PACSIN2: variants seen among roughly 807,000 people sequenced by gnomAD.
The protein encoded by PACSIN2 is protein kinase C and casein kinase substrate in neurons protein 2.
A neutral mutation model predicts 63.8 loss-of-function variants in PACSIN2; 25 were observed. The observed-to-expected ratio is 0.39, with a 90% CI of 0.29 to 0.55. PACSIN2 has a LOEUF of 0.55. Ranked by LOEUF, PACSIN2 falls within the 20% of genes least tolerant of loss-of-function variation. The pLI is 0.62. For synonymous variants in PACSIN2, 255 were observed against 256.2 expected (o/e 1.00, Z 0.05); for missense variants, 518 against 646.9 (o/e 0.80, Z 2.16).
chr22:43,003,292 GTGA>G (rs1037801019), intron 1 of PACSIN2, among the ~76,000 whole-genome samples: 7 of 152,294 alleles, frequency 4.6e-5, no homozygotes, highest in South Asian at 4.1e-4. Flanking sequence ...TGACACAAAA[GTGA>G]TGATTATCCC....
chr22:42,947,338 G>T (rs1933468884), intron 1 of PACSIN2, among the ~76,000 whole-genome samples: 1 of 152,132 alleles, frequency 6.6e-6, no homozygotes, highest in Non-Finnish European at 1.5e-5. Flanking sequence ...AGTCAGAGTG[G>T]CCCCAGGTCA....
chr22:42,895,162 G>A (rs1930189393), intron 2 of PACSIN2, among the ~76,000 whole-genome samples: 1 of 152,262 alleles, frequency 6.6e-6, no homozygotes, highest in African/African-American at 2.4e-5. Context: ...AACATGAGCT[G>A]AACCTGAGCA....
Position 43,010,788 on chromosome 22 carries a change from T to C in PACSIN2, c.-78+4233A>G, listed in dbSNP as rs76708392. Among the ~76,000 whole-genome samples, 631 of 152,328 alleles carry C rather than the reference T, an allele frequency of 4.1e-3. 3 individuals are homozygous for C. Among genetic ancestry groups the C allele is most frequent in the African/African-American group, 0.014 (595 of 41,588 alleles). On this transcript the variant is annotated intron_variant, in intron 1 of 10. Coordinates refer to ENST00000263246, the MANE Select transcript of PACSIN2 (RefSeq NM_001184970.3). ...ATTCTAGGAAACAAGAAAGACTCTA[T>C]GGTGCTTTAAGTTTTATTAAGCAAA...
intron 1 of PACSIN2, among the ~76,000 whole-genome samples, chr22:43,008,482 C>T (rs916249699): frequency 1.3e-5 from 2 of 152,244 alleles, no homozygotes; most frequent in African/African-American, 2.4e-5. Flanking sequence ...AACTCCTGAC[C>T]TTGTGATCTG....
chr22:42,934,889 TC>T (rs1932863076), intron 1 of PACSIN2, among the ~76,000 whole-genome samples: 2 of 95,776 alleles, frequency 2.1e-5, no homozygotes, highest in African/African-American at 4.3e-5. Context: ...CTTTCTTTTC[TC>T]TTTCTTTTCT....
At chr22:42,886,808 G>A (rs1169945687) in intron 5 of PACSIN2, among the ~76,000 whole-genome samples, 1 of 152,042 alleles carries the variant, frequency 6.6e-6, no homozygotes, top group Non-Finnish European at 1.5e-5. Flanking sequence ...AGGCAGGGAG[G>A]GTCCCAGGAG....
intron 1 of PACSIN2, among the ~76,000 whole-genome samples, chr22:42,976,140 G>A (rs1921688394): frequency 6.6e-6 from 1 of 152,214 alleles, no homozygotes; most frequent in Admixed American, 6.5e-5. Context: ...CTATGCCTGT[G>A]CTAATTCTTC....
At chr22:42,893,229 C>T (rs1389420641) in intron 3 of PACSIN2, among the ~76,000 whole-genome samples, 1 of 152,230 alleles carries the variant, frequency 6.6e-6, no homozygotes, top group African/African-American at 2.4e-5. Context: ...GGGCTATAGT[C>T]CTGTGTCCCC....
intron 1 of PACSIN2, chr22:42,993,791 G>T (rs1312129712): frequency 6.6e-6 from 1 of 152,202 alleles, no homozygotes; most frequent in Non-Finnish European, 1.5e-5. Context: ...CTGGAAGGGC[G>T]GCACCAGGGA....
intron 2 of PACSIN2, among the ~76,000 whole-genome samples, chr22:42,897,504 A>C (rs1398997385): frequency 2.0e-5 from 3 of 152,222 alleles, no homozygotes; most frequent in African/African-American, 7.2e-5. Context: ...CAAACATATT[A>C]ATTGCTTCAT....
At chr22:42,978,661 A>T (rs2146880304) in intron 1 of PACSIN2, among the ~76,000 whole-genome samples, 1 of 152,300 alleles carries the variant, frequency 6.6e-6, no homozygotes, top group Admixed American at 6.5e-5. Flanking sequence ...AGTTCCTATG[A>T]ATGATGTGCT....
At chr22:42,960,666 C>T (rs543549012) in intron 1 of PACSIN2, among the ~76,000 whole-genome samples, 1 of 152,216 alleles carries the variant, frequency 6.6e-6, no homozygotes, top group South Asian at 2.1e-4. Context: ...CAAGAAAAGG[C>T]GTAACTAATC....
At chr22:42,935,723 C>T (rs1365189982) in intron 1 of PACSIN2, among the ~76,000 whole-genome samples, 3 of 152,060 alleles carry the variant, frequency 2.0e-5, no homozygotes, top group Non-Finnish European at 2.9e-5. Flanking sequence ...ACGGGCCAGA[C>T]ACTGAAACAC....
At chr22:42,999,128 G>A (rs1024065210) in intron 1 of PACSIN2, among the ~76,000 whole-genome samples, 8 of 152,174 alleles carry the variant, frequency 5.3e-5, no homozygotes, top group South Asian at 2.1e-4. Context: ...CACTTAAGCC[G>A]TCCTCAGACA....
At chr22:42,924,627 C>T (rs963850812) in intron 1 of PACSIN2, among the ~76,000 whole-genome samples, 1 of 152,212 alleles carries the variant, frequency 6.6e-6, no homozygotes, top group Non-Finnish European at 1.5e-5. Flanking sequence ...CCACCCTACA[C>T]CAAGCTCCAC....
chr22:42,893,659 G>A (rs754016189), intron 2 of PACSIN2, 46 bp from the exon 3 acceptor site: 1 of 1,585,156 alleles, frequency 6.3e-7, no homozygotes, highest in African/African-American at 1.3e-5. Flanking sequence ...GGGGCAGCCT[G>A]TCCTTGGCTG....
chr22:42,972,677 C>T (rs1229399224), intron 1 of PACSIN2, among the ~76,000 whole-genome samples: 1 of 152,164 alleles, frequency 6.6e-6, no homozygotes, highest in Admixed American at 6.5e-5. Context: ...TCTGGGCTTT[C>T]CGACCTGGAC....
chr22:42,975,455 CAA>C (rs993115425), intron 1 of PACSIN2, among the ~76,000 whole-genome samples: 4 of 57,020 alleles, frequency 7.0e-5, no homozygotes, highest in African/African-American at 2.5e-4. Context: ...AAAATATATA[CAA>C]ATATATATAT....
At chr22:42,909,321 T>C (rs1378766126) in intron 2 of PACSIN2, 2 of 342,716 alleles carry the variant, frequency 5.8e-6, no homozygotes, top group South Asian at 2.2e-5. Flanking sequence ...TAGTATCTTT[T>C]GGTGGGAAGG....
Sources: allele counts gnomAD v4.1 joint callset (sites outside exome capture counted in the v4.1 genomes callset), GRCh38; gene constraint gnomAD v4.1.1; transcripts MANE v1.5; gene names NCBI Gene and HGNC (gene_info 2026-07-23, HGNC 2026-07-21).